Variants in DLGAP2 observed in about 807,000 individuals in gnomAD.
DLGAP2 encodes the protein disks large-associated protein 2.
Under a neutral mutation model 100.3 loss-of-function variants are expected in DLGAP2, and 26 were observed. The observed-to-expected ratio is 0.26, with a 90% CI of 0.19 to 0.36. DLGAP2 has a LOEUF of 0.36. Ranked by LOEUF, DLGAP2 falls within the 10% of genes least tolerant of loss-of-function variation. DLGAP2 has a pLI of 1.00. For synonymous variants in DLGAP2, 886 were observed against 630.1 expected, an observed-to-expected ratio of 1.41 and a Z score of -6.08; for missense variants, 1,858 against 1,453.2, an observed-to-expected ratio of 1.28 and a Z score of -4.53.
intron 2 of DLGAP2, among the ~76,000 whole-genome samples, chr8:951,309 G>C (rs1317424979): frequency 6.6e-6 from 1 of 151,238 alleles, no homozygotes; most frequent in Non-Finnish European, 1.5e-5. Flanking sequence ...GCAGTGGTGT[G>C]ATCTCGGCTC....
At chr8:1,595,028 G>A (rs553422425) in intron 6 of DLGAP2, among the ~76,000 whole-genome samples, 59 of 151,914 alleles carry the variant, frequency 3.9e-4, no homozygotes, top group South Asian at 3.8e-3. Context: ...AACAGCTCCT[G>A]GGGTTTCTTT....
Position 1,701,757 on chromosome 8 carries a change from T to G in DLGAP2, c.*351T>G. 1 of 305,522 alleles carries G rather than the reference T, an allele frequency of 3.3e-6. No homozygotes were observed. The highest frequency in any genetic ancestry group is 6.0e-6 in the Non-Finnish European group (1 of 167,358). 18.9% of individuals were successfully genotyped at this position (305,522 alleles called of 1,614,324 possible). On this transcript the variant is annotated 3_prime_UTR_variant, in exon 15 of 15. Transcript: ENST00000637795. ...AGCTTACATTTTGTTATTTCTATTT[T>G]TATAAATTGTGTGATAATTAGAGGT...
At chr8:1,225,924 A>G (rs1239792620) in intron 2 of DLGAP2, among the ~76,000 whole-genome samples, 1 of 152,220 alleles carries the variant, frequency 6.6e-6, no homozygotes, top group African/African-American at 2.4e-5. Flanking sequence ...ATCATGCTGT[A>G]TGCTGTAAAT....
chr8:803,149 G>A (rs1049440236), intron 1 of DLGAP2, among the ~76,000 whole-genome samples: 8 of 152,178 alleles, frequency 5.3e-5, no homozygotes, highest in Middle Eastern at 3.4e-3. Flanking sequence ...GTGCATTTGT[G>A]TGTCTAGACT....
intron 3 of DLGAP2, among the ~76,000 whole-genome samples, chr8:1,496,737 T>C (rs1284478102): frequency 6.6e-6 from 1 of 152,112 alleles, no homozygotes; most frequent in Non-Finnish European, 1.5e-5. Flanking sequence ...AGTGCGCCTG[T>C]GTTGTGTGTT....
intron 3 of DLGAP2, among the ~76,000 whole-genome samples, chr8:1,464,429 GCTTC>G (rs1798562200): frequency 7.4e-6 from 1 of 134,782 alleles, no homozygotes; most frequent in Admixed American, 7.6e-5. Context: ...TTTCAGGCTG[GCTTC>G]CTTCCAGCTG....
rs1409228238 is a variant in DLGAP2 at position 1,669,777 on chromosome 8, G to C, written c.2195G>C (p.Arg732Thr). 1.3e-6 allele frequency: 1 copy of C among 780,802 alleles called. No individual in the cohort carries two copies. Among genetic ancestry groups the C allele is most frequent in the African/African-American group, 1.7e-5 (1 of 59,148 alleles). The allele number at this position is 780,802 out of a possible 1,614,324, so 48.4% of individuals were successfully genotyped here. The change falls in exon 10 of 15, where the codon AGG becomes ACG. Residue 732 changes from arginine (R) to threonine (T), a missense_variant. Arg to Thr is a moderately conservative substitution (Grantham distance 71, BLOSUM62 -1). Transcript: ENST00000637795. The stretch of plus-strand genomic sequence containing the variant: ...TTCCCAGAGCATCAGCCATACCCAA[G>C]GTCAGATGTAAGTACCGAAATGTGC... ...SEFPEHQPYP[R>T]SDVETATDSD...
chr8:833,049 A>G (rs1796810205), intron 1 of DLGAP2, among the ~76,000 whole-genome samples: 1 of 152,218 alleles, frequency 6.6e-6, no homozygotes, highest in Non-Finnish European at 1.5e-5. Flanking sequence ...GACAAGCACT[A>G]CATCCTCCCA....
Position 1,384,385 on chromosome 8 carries a change from CGGCCCCTG to C in DLGAP2, c.107-116980_107-116973del. ...GTGCACAGTTACCCCGGCCTGTGCC[CGGCCCCTG>C]AGAACTTGGTGCTCAGTTACCCCGG... On this transcript the variant is annotated intron_variant, in intron 3 of 14. Coordinates refer to ENST00000637795, the MANE Select transcript of DLGAP2 (RefSeq NM_001346810.2). Among the ~76,000 whole-genome samples, 6 of 134,130 alleles carry C rather than the reference CGGCCCCTG, an allele frequency of 4.5e-5. 1 individual carries two copies. The highest frequency in any genetic ancestry group is 1.6e-4 in the African/African-American group (6 of 36,732). 88.0% of individuals were successfully genotyped at this position (134,130 alleles called of 152,430 possible). A position where few individuals can be genotyped will look rare whatever the true frequency, so the allele number is the denominator to read the frequency against.
chr8:1,583,479 G>C (rs6993578), intron 6 of DLGAP2, among the ~76,000 whole-genome samples: 3 of 152,226 alleles, frequency 2.0e-5, no homozygotes, highest in African/African-American at 7.2e-5. Context: ...CTGTGCCTCC[G>C]TAGGCAGGGA....
chr8:1,165,518 G>A (rs1796998522), intron 2 of DLGAP2, among the ~76,000 whole-genome samples: 1 of 152,180 alleles, frequency 6.6e-6, no homozygotes, highest in South Asian at 2.1e-4. Flanking sequence ...CTCATCAGAT[G>A]GTGATTTGCA....
At chr8:1,256,461 G>A (rs558053182) in intron 2 of DLGAP2, among the ~76,000 whole-genome samples, 385 of 129,026 alleles carry the variant, frequency 3.0e-3, no homozygotes, top group Non-Finnish European at 4.8e-3. Flanking sequence ...GGTGCTGTGC[G>A]TGTCCTCTCC....
At chr8:1,473,538 TC>T (rs1328426768) in intron 3 of DLGAP2, among the ~76,000 whole-genome samples, 3 of 152,200 alleles carry the variant, frequency 2.0e-5, no homozygotes, top group Non-Finnish European at 4.4e-5. Context: ...ATCTGTGGTT[TC>T]CAGGGGCTGG....
rs191198782 is a variant in DLGAP2 at position 1,423,838 on chromosome 8, C to G, written c.107-77528C>G. Among the ~76,000 whole-genome samples the G allele has an allele frequency of 9.5e-4, 145 of 152,312 alleles. 1 individual carries two copies. Among genetic ancestry groups the G allele is most frequent in the African/African-American group, 3.3e-3 (139 of 41,574 alleles). On this transcript the variant is annotated intron_variant, in intron 3 of 14. Coordinates refer to ENST00000637795, the MANE Select transcript of DLGAP2 (RefSeq NM_001346810.2). The stretch of plus-strand genomic sequence containing the variant: ...GAGAAATTCGAGCAGGTTAATCCCT[C>G]TTTCAAATGACACTTGCACGTCTAC...
At chr8:1,067,304 CCCT>C (rs1448189297) in intron 2 of DLGAP2, among the ~76,000 whole-genome samples, 3 of 152,202 alleles carry the variant, frequency 2.0e-5, no homozygotes, top group Non-Finnish European at 4.4e-5. Flanking sequence ...GGAGGTTCTA[CCCT>C]CCTAGCGCTT....
chr8:922,165 G>A (rs1367359880), intron 2 of DLGAP2, among the ~76,000 whole-genome samples: 1 of 152,222 alleles, frequency 6.6e-6, no homozygotes, highest in African/African-American at 2.4e-5. Flanking sequence ...TGTTTTCATG[G>A]AAGTTGGTGG....
intron 3 of DLGAP2, among the ~76,000 whole-genome samples, chr8:1,382,543 C>G (rs556272676): frequency 1.6e-4 from 24 of 152,296 alleles, no homozygotes; most frequent in Middle Eastern, 3.4e-3. Flanking sequence ...TGAGACCAAC[C>G]TGGGCAACAC....
At position 1,176,530 on chromosome 8, in the gene DLGAP2, G is replaced by A. The variant is rs144149993; in HGVS notation, c.74-82321G>A. Among the ~76,000 whole-genome samples the A allele has an allele frequency of 1.6e-3, 238 of 152,262 alleles. 10 individuals carry two copies. In the East Asian group the frequency reaches 0.034, roughly 21 times the overall value. The stretch of plus-strand genomic sequence containing the variant: ...ACTTGGAGATCCTGCCCTCACAGCC[G>A]CCCTGTGAATTTAACTGGTTTATTG... On this transcript the variant is annotated intron_variant, in intron 2 of 14. Coordinates refer to ENST00000637795, the MANE Select transcript of DLGAP2 (RefSeq NM_001346810.2).
At chr8:1,700,777 G>A (rs1439338862) in intron 14 of DLGAP2, among the ~76,000 whole-genome samples, 1 of 152,226 alleles carries the variant, frequency 6.6e-6, no homozygotes, top group African/African-American at 2.4e-5. Context: ...AAACCCTGCA[G>A]TGTTGAATAG....
Sources: allele counts gnomAD v4.1 joint callset (sites outside exome capture counted in the v4.1 genomes callset), GRCh38; gene constraint gnomAD v4.1.1; transcripts MANE v1.5; gene names NCBI Gene and HGNC (gene_info 2026-07-23, HGNC 2026-07-21).